DNAJA3: variants seen among roughly 807,000 people sequenced by gnomAD.
DNAJA3 encodes dnaJ homolog subfamily A member 3, mitochondrial.
Under a neutral mutation model 54.9 loss-of-function variants are expected in DNAJA3, and 29 were observed. That is an observed-to-expected ratio of 0.53 (90% CI 0.39 to 0.72). The LOEUF (loss-of-function observed/expected upper bound fraction) is 0.72. Among genes scored for constraint, DNAJA3 ranks in the 30% least tolerant of loss-of-function variants. The pLI, the probability that DNAJA3 is intolerant of heterozygous loss-of-function variation, is 0.00. For synonymous variants in DNAJA3, 302 were observed against 251.4 expected (o/e 1.20, Z -1.90); for missense variants, 708 against 639.4 (o/e 1.11, Z -1.16).
chr16:4,441,769 G>A (rs1266165164), intron 4 of DNAJA3, among the ~76,000 whole-genome samples, 194 bp downstream of exon 4: 1 of 152,138 alleles, frequency 6.6e-6, no homozygotes, highest in East Asian at 1.9e-4. Flanking sequence ...CATTCTGATG[G>A]TATTCTTAAC....
chr16:4,446,461 C>T (rs1296884171), intron 7 of DNAJA3, among the ~76,000 whole-genome samples: 1 of 151,752 alleles, frequency 6.6e-6, no homozygotes, highest in Non-Finnish European at 1.5e-5. Context: ...TCAGTCTGGT[C>T]TCAAACTCCT....
intron 8 of DNAJA3, chr16:4,448,080 G>C (rs2056925726): frequency 7.3e-6 from 1 of 136,528 alleles, no homozygotes; most frequent in Non-Finnish European, 1.5e-5. Context: ...CCAGGCTGGA[G>C]TGCAGTAGCG....
chr16:4,447,058 GCT>G (rs1328614162), intron 8 of DNAJA3, 44 bp downstream of exon 8: 6 of 1,588,150 alleles, frequency 3.8e-6, no homozygotes, highest in African/African-American at 1.4e-5. Flanking sequence ...GTACTTTATT[GCT>G]CTTTTTCTGA....
At position 4,456,043 on chromosome 16, in the gene DNAJA3, C is replaced by G. The variant is rs897038264; in HGVS notation, c.*511C>G. Reference sequence around the variant, plus strand: ...CCAGGCCCCACCAGCACCGTCCTCCCCTAATGAGGGGCCCTGCCGAGGCAT... The same window carrying G: ...CCAGGCCCCACCAGCACCGTCCTCCGCTAATGAGGGGCCCTGCCGAGGCAT... On this transcript the variant is annotated 3_prime_UTR_variant, in exon 12 of 12. Coordinates refer to ENST00000262375, the MANE Select transcript of DNAJA3 (RefSeq NM_005147.6). The G allele has an allele frequency of 6.0e-6, 1 of 167,098 alleles. No homozygotes were observed. The highest frequency in any genetic ancestry group is 1.3e-5 in the Non-Finnish European group (1 of 76,938). The allele number at this position is 167,098 out of a possible 1,614,324, so 10.4% of individuals were successfully genotyped here.
At chr16:4,426,191 G>A (rs1273468346) in intron 1 of DNAJA3, 99 bp downstream of exon 1, 1 of 1,275,574 alleles carries the variant, frequency 7.8e-7, no homozygotes, top group Non-Finnish European at 1.0e-6. Context: ...GGGGTGGAGG[G>A]TGTCTTCCGA....
intron 5 of DNAJA3, 45 bp from the exon 6 acceptor site, chr16:4,442,972 A>T: frequency 6.3e-7 from 1 of 1,594,312 alleles, no homozygotes; most frequent in East Asian, 2.2e-5. Flanking sequence ...ACCACCCATC[A>T]GTTTACCTGC....
chr16:4,426,021 C>T lies in DNAJA3; in HGVS notation c.140C>T (p.Ala47Val). 1 of 1,608,350 alleles carries T rather than the reference C, an allele frequency of 6.2e-7. No individual in the cohort carries two copies. Among genetic ancestry groups the T allele is most frequent in the Non-Finnish European group, 8.5e-7 (1 of 1,177,876 alleles). Residue 47 changes from alanine (A) to valine (V), a missense_variant, in exon 1 of 12, where the codon GCC (alanine) becomes GTC (valine). Physicochemically the swap from Ala to Val is moderately conservative, Grantham distance 64. Coordinates refer to ENST00000262375, the MANE Select transcript of DNAJA3 (RefSeq NM_005147.6). ...CTGAGCCGCAAGCTGAGCGTCCCCGCCTTTGCGTCTTCCCTGACCTCTTGC... is the reference window on the plus strand; with the variant it reads ...CTGAGCCGCAAGCTGAGCGTCCCCGTCTTTGCGTCTTCCCTGACCTCTTGC... The part of the protein sequence containing the change: ...AWLSRKLSVP[A>V]FASSLTSCGP...
At chr16:4,442,500 G>C in intron 5 of DNAJA3, 80 bp downstream of exon 5, 1 of 1,430,950 alleles carries the variant, frequency 7.0e-7, no homozygotes, top group African/African-American at 1.4e-5. Flanking sequence ...TGCTCCCAGA[G>C]AACGTATGCT....
chr16:4,453,301 T>C (rs924697136), intron 10 of DNAJA3, among the ~76,000 whole-genome samples: 2 of 152,160 alleles, frequency 1.3e-5, no homozygotes, highest in Non-Finnish European at 2.9e-5. Flanking sequence ...AGAAAGACCA[T>C]GGTGTGCTTA....
At position 4,450,527 on chromosome 16, in the gene DNAJA3, C is replaced by T. The variant is rs199982667; in HGVS notation, c.1339+30C>T. 7.0e-5 allele frequency: 109 copies of T among 1,554,924 alleles called. No homozygotes were observed. The East Asian group carries it at 1.7e-3, about 24-fold the overall frequency. On this transcript the variant is annotated intron_variant, in intron 10 of 11. Transcript: ENST00000262375. The stretch of plus-strand genomic sequence containing the variant: ...GGAGTCTGAAGACTACATGGTGACA[C>T]GTGGGGGCCTCAGAGCCCCCCAGGG...
At chr16:4,432,256 C>T (rs2056712443) in intron 1 of DNAJA3, among the ~76,000 whole-genome samples, 1 of 150,966 alleles carries the variant, frequency 6.6e-6, no homozygotes, top group African/African-American at 2.4e-5. Flanking sequence ...CTCCTGGGCT[C>T]AAGCGATCCT....
intron 3 of DNAJA3, among the ~76,000 whole-genome samples, chr16:4,440,042 A>G (rs1387695255): frequency 3.3e-5 from 5 of 151,952 alleles, no homozygotes; most frequent in Admixed American, 2.0e-4. Flanking sequence ...TGCTCAAGCA[A>G]TCCTCCCACC....
At chr16:4,455,474 C>CA (rs2057025200) in intron 11 of DNAJA3, 72 bp from the exon 12 acceptor site, 4 of 1,524,616 alleles carry the variant, frequency 2.6e-6, no homozygotes, top group Non-Finnish European at 3.6e-6. Context: ...CAGGGATTAA[C>CA]AGACGCTCCC....
chr16:4,437,332 G>C, intron 2 of DNAJA3, 70 bp from the exon 3 acceptor site: 4 of 1,291,082 alleles, frequency 3.1e-6, no homozygotes, highest in Non-Finnish European at 1.1e-6. Flanking sequence ...TGTTGTATCG[G>C]GGGTTTTGTT....
At chr16:4,448,023 CTTTTTTTTTTTTTT>C (rs71402537) in intron 8 of DNAJA3, 1 of 72,682 alleles carries the variant, frequency 1.4e-5, no homozygotes, top group African/African-American at 5.6e-5. Flanking sequence ...AGTGGCAGTT[CTTTTTTTTTTTTTT>C]TTTTTTTTTT....
chr16:4,446,674 A>G (rs919512546), intron 7 of DNAJA3, among the ~76,000 whole-genome samples: 5 of 152,216 alleles, frequency 3.3e-5, no homozygotes, highest in East Asian at 1.9e-4. Context: ...TGTGTAGAAC[A>G]TTGCAGTGTT....
In DNAJA3 at chr16:4,434,499, C is replaced by T. The variant is rs1367846550; in HGVS notation, c.327C>T (p.Ile109=). ...GVPRNASQKE[I]KKAYYQLAKK... Reference sequence around the variant, plus strand: ...CTCGAAATGCCAGCCAGAAAGAGATCAAGAAAGCCTATTATCAGGTCTGTA... The same window carrying T: ...CTCGAAATGCCAGCCAGAAAGAGATTAAGAAAGCCTATTATCAGGTCTGTA... Residue 109 remains isoleucine, a synonymous_variant, in exon 2 of 12, where the codon ATC becomes ATT. Transcript: ENST00000262375. The T allele has an allele frequency of 1.2e-6, 2 of 1,612,568 alleles. No homozygotes were observed. The highest frequency in any genetic ancestry group is 1.1e-5 in the South Asian group (1 of 90,656).
intron 3 of DNAJA3, 195 bp from the exon 4 acceptor site, chr16:4,441,180 A>C: frequency 1.7e-6 from 1 of 593,920 alleles, no homozygotes; most frequent in East Asian, 2.8e-5. Flanking sequence ...TTCACGCCCT[A>C]CACTTAGCAT....
intron 1 of DNAJA3, among the ~76,000 whole-genome samples, chr16:4,432,114 C>T (rs1212312317): frequency 6.6e-6 from 1 of 150,512 alleles, no homozygotes; most frequent in African/African-American, 2.5e-5. Flanking sequence ...TTCTGTCTCT[C>T]TCTCTTTTTT....
Sources: gnomAD v4.1 joint callset for allele counts (sites outside exome capture counted in the v4.1 genomes callset) on GRCh38, gnomAD v4.1.1 for gene constraint, MANE v1.5 for transcripts, NCBI Gene and HGNC (gene_info 2026-07-23, HGNC 2026-07-21) for gene names.